The following PACRG variants were observed in gnomAD, a reference collection of about 807,000 sequenced individuals.
The protein encoded by PACRG is parkin coregulated.
A neutral mutation model predicts 29.7 loss-of-function variants in PACRG; 29 were observed. The ratio of observed to expected loss-of-function variants is 0.98; its 90% CI spans 0.73 to 1.33. The LOEUF (loss-of-function observed/expected upper bound fraction) is 1.33. Among genes scored for constraint, PACRG ranks in the 40% most tolerant of loss-of-function variants. The pLI is 0.00. For missense variants in PACRG, 279 were observed against 316.2 expected (o/e 0.88, Z 0.89); for synonymous variants, 116 against 118.7 (o/e 0.98, Z 0.15).
At chr6:163,010,412 G>A (rs1585000435) in intron 2 of PACRG, among the ~76,000 whole-genome samples, 1 of 152,160 alleles carries the variant, frequency 6.6e-6, no homozygotes. Flanking sequence ...CCTGTGAGGA[G>A]TGGGTAGGAG....
chr6:162,799,121 G>A (rs1164372185), intron 1 of PACRG, among the ~76,000 whole-genome samples: 2 of 152,158 alleles, frequency 1.3e-5, no homozygotes, highest in Admixed American at 6.5e-5. Flanking sequence ...CAATCTGCAT[G>A]TGGATTAGTT....
At chr6:162,885,034 T>C (rs1323827199) in intron 2 of PACRG, among the ~76,000 whole-genome samples, 1 of 152,130 alleles carries the variant, frequency 6.6e-6, no homozygotes, top group Non-Finnish European at 1.5e-5. Flanking sequence ...AGTTGTGGGC[T>C]CAATGTTACC....
intron 4 of PACRG, chr6:163,170,966 T>G (rs1305463093): frequency 6.6e-6 from 1 of 152,228 alleles, no homozygotes; most frequent in East Asian, 1.9e-4. Flanking sequence ...TATCGCCTAG[T>G]GCTAGGTTAT....
rs539721984 is a variant in PACRG, at chr6:162,898,755, AG to A, written c.291+84475del. ...ACTTAGGAAGCACACAATAAATATT[AG>A]CTATTATCGTTATGGTCTTCGTTTT... On this transcript the variant is annotated intron_variant, in intron 2 of 4. Transcript: ENST00000366888. Among the ~76,000 whole-genome samples the A allele has an allele frequency of 4.1e-4, 62 of 152,328 alleles. 1 individual carries two copies. In the South Asian group the frequency reaches 5.0e-3, roughly 12 times the overall value.
At chr6:162,818,804 A>C (rs1169856471) in intron 2 of PACRG, among the ~76,000 whole-genome samples, 2 of 152,176 alleles carry the variant, frequency 1.3e-5, no homozygotes, top group Non-Finnish European at 2.9e-5. Context: ...TTTCCACTAA[A>C]TTTCTAATAA....
At chr6:162,852,370 G>T (rs889644207) in intron 2 of PACRG, among the ~76,000 whole-genome samples, 1 of 152,170 alleles carries the variant, frequency 6.6e-6, no homozygotes, top group Non-Finnish European at 1.5e-5. Context: ...ACTGACCCCC[G>T]GGGGCCAGGG....
chr6:162,739,546 T>A (rs1433518530), intron 1 of PACRG, among the ~76,000 whole-genome samples: 1 of 152,136 alleles, frequency 6.6e-6, no homozygotes, highest in Non-Finnish European at 1.5e-5. Context: ...TTTGGTGTTT[T>A]TAAAAAATTT....
At chr6:163,122,248 TCA>T (rs1816314162) in intron 4 of PACRG, among the ~76,000 whole-genome samples, 1 of 147,398 alleles carries the variant, frequency 6.8e-6, no homozygotes, top group Non-Finnish European at 1.5e-5. Flanking sequence ...TTCTGAGTTC[TCA>T]TGTGTTTGTC....
intron 4 of PACRG, among the ~76,000 whole-genome samples, chr6:163,269,782 C>A (rs11754059): frequency 0.4 from 28,111 of 70,206 alleles, 7,580 homozygotes; most frequent in African/African-American, 0.46. Flanking sequence ...GACAGACAGA[C>A]AGAAAGAAAG....
intron 4 of PACRG, chr6:163,313,940 A>AT (rs1170816370): frequency 2.6e-5 from 4 of 152,192 alleles, no homozygotes; most frequent in Non-Finnish European, 4.4e-5. Context: ...AAGGGGCCCC[A>AT]TTTTTGTCAG....
At chr6:163,217,674 T>A (rs563187443) in intron 4 of PACRG, among the ~76,000 whole-genome samples, 6 of 152,144 alleles carry the variant, frequency 3.9e-5, no homozygotes, top group Non-Finnish European at 7.3e-5. Context: ...CTCGCTTTAC[T>A]GCCTGAGCTC....
intron 4 of PACRG, among the ~76,000 whole-genome samples, chr6:163,280,168 T>G (rs1784181535): frequency 6.6e-6 from 1 of 152,208 alleles, no homozygotes; most frequent in South Asian, 2.1e-4. Flanking sequence ...TAGCAGCTCA[T>G]GCTGTGTGCA....
chr6:162,960,146 A>G (rs559790324), intron 2 of PACRG, among the ~76,000 whole-genome samples: 1 of 152,330 alleles, frequency 6.6e-6, no homozygotes, highest in African/African-American at 2.4e-5. Flanking sequence ...AAAGCTTATA[A>G]CACTGTTGGT....
intron 1 of PACRG, among the ~76,000 whole-genome samples, chr6:162,730,151 C>T (rs529352470): frequency 3.3e-5 from 5 of 151,210 alleles, no homozygotes; most frequent in Admixed American, 1.3e-4. Flanking sequence ...CTTAGTACTC[C>T]GAGGAAAACC....
At chr6:163,264,098 C>G (rs1783437407) in intron 4 of PACRG, among the ~76,000 whole-genome samples, 1 of 152,186 alleles carries the variant, frequency 6.6e-6, no homozygotes, top group Non-Finnish European at 1.5e-5. Context: ...TACCCAGAAT[C>G]CAGACAGTGC....
chr6:162,976,832 G>A (rs1801999735), intron 2 of PACRG, among the ~76,000 whole-genome samples: 1 of 151,842 alleles, frequency 6.6e-6, no homozygotes, highest in Non-Finnish European at 1.5e-5. Flanking sequence ...ACAAAATCAA[G>A]ATATTCTAAA....
intron 2 of PACRG, among the ~76,000 whole-genome samples, chr6:162,839,625 T>C (rs1471083588): frequency 1.3e-5 from 2 of 151,658 alleles, no homozygotes; most frequent in African/African-American, 4.8e-5. Context: ...ATTTTGTCTT[T>C]TGTTGCCATT....
chr6:163,114,546 T>C (rs973499327), intron 4 of PACRG, among the ~76,000 whole-genome samples: 5 of 152,132 alleles, frequency 3.3e-5, no homozygotes, highest in Non-Finnish European at 4.4e-5. Flanking sequence ...GAAATCCTAT[T>C]TGGAGTGTCA....
At chr6:162,982,878 A>G (rs970448117) in intron 2 of PACRG, among the ~76,000 whole-genome samples, 3 of 152,058 alleles carry the variant, frequency 2.0e-5, no homozygotes, top group Non-Finnish European at 4.4e-5. Context: ...TGTCTTGGTG[A>G]CATGTCTAGT....
Sources: gnomAD v4.1 joint callset for allele counts (sites outside exome capture counted in the v4.1 genomes callset) on GRCh38, gnomAD v4.1.1 for gene constraint, MANE v1.5 for transcripts, NCBI Gene and HGNC (gene_info 2026-07-23, HGNC 2026-07-21) for gene names.